Variants in ATP9B observed in about 807,000 individuals in gnomAD.
ATP9B encodes the protein probable phospholipid-transporting ATPase IIB.
A neutral mutation model predicts 146.1 loss-of-function variants in ATP9B; 110 were observed. The ratio of observed to expected loss-of-function variants is 0.75; its 90% CI spans 0.65 to 0.88. The LOEUF (loss-of-function observed/expected upper bound fraction) is 0.88, where lower values mean the gene tolerates loss of function less well. ATP9B is among the 40% of genes least tolerant of loss of function. The pLI is 0.00. For missense variants in ATP9B, 1,499 were observed against 1,496.4 expected (o/e 1.00, Z -0.03); for synonymous variants, 604 against 569.7 (o/e 1.06, Z -0.86).
At chr18:79,364,910 G>A (rs187384901) in intron 26 of ATP9B, among the ~76,000 whole-genome samples, 51 of 152,152 alleles carry the variant, frequency 3.4e-4, no homozygotes, top group African/African-American at 1.1e-3. Flanking sequence ...TGTGCCTGTA[G>A]TCCCAGCTGC....
intron 9 of ATP9B, among the ~76,000 whole-genome samples, chr18:79,201,738 T>C (rs2095490308): frequency 6.6e-6 from 1 of 151,980 alleles, no homozygotes; most frequent in South Asian, 2.1e-4. Flanking sequence ...CCCAGCTAAT[T>C]TTTGTATTTT....
chr18:79,219,088 T>C (rs1455326834), intron 11 of ATP9B, among the ~76,000 whole-genome samples: 1 of 152,180 alleles, frequency 6.6e-6, no homozygotes, highest in Non-Finnish European at 1.5e-5. Context: ...AACAGTGTGC[T>C]GGGGACAGAG....
chr18:79,207,233 G>C lies in ATP9B; in HGVS notation c.1030+221G>C, dbSNP rs948486363. Among the ~76,000 whole-genome samples, 8 of 151,130 alleles carry C rather than the reference G, an allele frequency of 5.3e-5. No homozygotes were observed. In the South Asian group the frequency reaches 1.5e-3, roughly 27 times the overall value. On this transcript the variant is annotated intron_variant, in intron 10 of 29. Coordinates refer to ENST00000426216, the MANE Select transcript of ATP9B (RefSeq NM_198531.5). ...CACGTGGTTCGCAAGGCCTGAGACA[G>C]GGAGAGGTGCTGCAGCCTTCGTGCA... is the stretch of plus-strand genomic sequence containing the variant.
At position 79,329,073 on chromosome 18, in the gene ATP9B, G is replaced by A. The variant is rs150903876; in HGVS notation, c.1774-68G>A. On this transcript the variant is annotated intron_variant, in intron 15 of 29. Coordinates refer to ENST00000426216, the MANE Select transcript of ATP9B (RefSeq NM_198531.5). ...GTTGGCAAGCTTTCTGAGCACTGCC[G>A]TGCTGGCTCGCCTGCGTGCGGCTTT... 1,208 of 1,408,814 alleles carry A rather than the reference G, an allele frequency of 8.6e-4. 6 individuals are homozygous for A. The African/African-American group carries it at 0.014, about 16-fold the overall frequency. The allele number at this position is 1,408,814 out of a possible 1,614,324, so 87.3% of individuals were successfully genotyped here. A position where few individuals can be genotyped will look rare whatever the true frequency, so the allele number is the denominator to read the frequency against.
intron 9 of ATP9B, among the ~76,000 whole-genome samples, chr18:79,202,741 G>A (rs972659175): frequency 1.6e-4 from 24 of 152,032 alleles, no homozygotes; most frequent in African/African-American, 5.3e-4. Flanking sequence ...GTCAATCATC[G>A]CCATTCCAGA....
intron 26 of ATP9B, among the ~76,000 whole-genome samples, chr18:79,371,555 C>T (rs1323395866): frequency 6.6e-6 from 1 of 152,166 alleles, no homozygotes; most frequent in Non-Finnish European, 1.5e-5. Flanking sequence ...AATTAAACTA[C>T]AACTAGAATT....
chr18:79,325,207 C>T (rs2096737597), intron 15 of ATP9B, among the ~76,000 whole-genome samples: 1 of 152,090 alleles, frequency 6.6e-6, no homozygotes, highest in African/African-American at 2.4e-5. Flanking sequence ...GAAAATGGTG[C>T]CTCAGATCAC....
Position 79,154,507 on chromosome 18 carries a change from C to T in ATP9B, c.730C>T (p.Gln244Ter). The change falls in exon 7 of 30, where the codon CAA (glutamine) becomes TAA (stop). Residue 244 changes from glutamine to a stop codon, truncating the protein, a stop_gained. Transcript: ENST00000426216. LOFTEE classifies it high-confidence loss of function. ...TCTTTTATAATGCTCTTTGCAGAAT[C>T]AAAGAATTCCATCGGACATGGTGTT... ...VGDLIIVEKN[Q>*]RIPSDMVFLR... 1.3e-6 allele frequency: 2 copies of T among 1,535,426 alleles called. No individual in the cohort carries two copies. The highest frequency in any genetic ancestry group is 2.4e-5 in the East Asian group (1 of 41,224).
At chr18:79,295,749 G>T (rs2096543279) in intron 13 of ATP9B, among the ~76,000 whole-genome samples, 1 of 152,160 alleles carries the variant, frequency 6.6e-6, no homozygotes. Context: ...AGAGGTGACT[G>T]GGTCATGGGG....
chr18:79,371,364 C>A, intron 26 of ATP9B, among the ~76,000 whole-genome samples: 1 of 104,376 alleles, frequency 9.6e-6, no homozygotes, highest in African/African-American at 4.0e-5. Context: ...GAGCAAGACT[C>A]CGTCTTAAAA....
chr18:79,199,195 T>C (rs1410894178), intron 9 of ATP9B, among the ~76,000 whole-genome samples: 14 of 151,942 alleles, frequency 9.2e-5, no homozygotes, highest in Admixed American at 9.2e-4. Context: ...TCGTGATCCA[T>C]CTGCCTTGGC....
At chr18:79,294,701 A>G (rs1354020887) in intron 13 of ATP9B, among the ~76,000 whole-genome samples, 1 of 152,224 alleles carries the variant, frequency 6.6e-6, no homozygotes, top group Non-Finnish European at 1.5e-5. Context: ...TGGAGGAGTT[A>G]TTGTGGCTGT....
chr18:79,250,653 C>T (rs917308192), intron 11 of ATP9B, among the ~76,000 whole-genome samples: 2 of 152,138 alleles, frequency 1.3e-5, no homozygotes, highest in Admixed American at 6.5e-5. Flanking sequence ...GGAAATTGCA[C>T]GATATTTGTC....
chr18:79,327,561 T>TCTCCGTGGTTAACGTGCC (rs2096758455), intron 15 of ATP9B, among the ~76,000 whole-genome samples: 12 of 123,880 alleles, frequency 9.7e-5, no homozygotes, highest in African/African-American at 3.7e-4. Context: ...GTTAGCGTGC[T>TCTCCGTGGTTAACGTGCC]CTCCGTGGTT....
At chr18:79,170,032 TTCCGTTTTGC>T (rs1453796506) in intron 7 of ATP9B, among the ~76,000 whole-genome samples, 2 of 152,236 alleles carry the variant, frequency 1.3e-5, no homozygotes, top group Non-Finnish European at 2.9e-5. Context: ...TCTTTAATGC[TTCCGTTTTGC>T]TGCGGTGATC....
At chr18:79,375,519 T>G in intron 29 of ATP9B, 93 bp downstream of exon 29, 1 of 1,542,380 alleles carries the variant, frequency 6.5e-7, no homozygotes, top group South Asian at 1.2e-5. Flanking sequence ...CAAACCTTCC[T>G]CTAATTCAGT....
intron 13 of ATP9B, among the ~76,000 whole-genome samples, chr18:79,300,887 G>A (rs891437432): frequency 6.6e-6 from 1 of 152,114 alleles, no homozygotes; most frequent in African/African-American, 2.4e-5. Flanking sequence ...TAAAAAAGTG[G>A]CATTAATCAT....
intron 12 of ATP9B, among the ~76,000 whole-genome samples, chr18:79,257,174 C>T (rs1393189687): frequency 6.6e-6 from 1 of 152,152 alleles, no homozygotes; most frequent in East Asian, 1.9e-4. Flanking sequence ...GTGGCACACA[C>T]CTGTAATCCC....
At chr18:79,344,195 T>C in intron 20 of ATP9B, 70 bp from the exon 21 acceptor site, 2 of 1,352,242 alleles carry the variant, frequency 1.5e-6, no homozygotes, top group Non-Finnish European at 1.0e-6. Flanking sequence ...CTGCAAATAA[T>C]GCCCTGTTTC....
Sources: allele counts gnomAD v4.1 joint callset (sites outside exome capture counted in the v4.1 genomes callset), GRCh38; gene constraint gnomAD v4.1.1; transcripts MANE v1.5; gene names NCBI Gene and HGNC (gene_info 2026-07-23, HGNC 2026-07-21).